PRKCQ: variants seen among roughly 807,000 people sequenced by gnomAD.
PRKCQ encodes the protein protein kinase C theta type.
A neutral mutation model predicts 91.2 loss-of-function variants in PRKCQ; 41 were observed. The observed-to-expected ratio is 0.45, with a 90% CI of 0.35 to 0.58. The LOEUF (loss-of-function observed/expected upper bound fraction) is 0.58. PRKCQ is among the 20% of genes least tolerant of loss of function. PRKCQ has a pLI of 0.00. For missense variants in PRKCQ, 673 were observed against 896.5 expected, an observed-to-expected ratio of 0.75 and a Z score of 3.18; for synonymous variants, 307 against 316.9, an observed-to-expected ratio of 0.97 and a Z score of 0.33.
At chr10:6,451,266 A>G (rs1834660180) in intron 15 of PRKCQ, among the ~76,000 whole-genome samples, 1 of 151,368 alleles carries the variant, frequency 6.6e-6, no homozygotes, top group Non-Finnish European at 1.5e-5. Flanking sequence ...TCCCACAGAA[A>G]TACAAACTAC....
rs892747810 is a variant in PRKCQ at position 6,497,971 on chromosome 10, C to T, written c.542+425G>A. On this transcript the variant is annotated intron_variant, in intron 5 of 17. Coordinates refer to ENST00000263125, the MANE Select transcript of PRKCQ (RefSeq NM_006257.5). This position sits in a 1 kb window ranked among gnomAD's most constrained non-coding sequence, Gnocchi z 4.5. ...GATCTGTTTGATGGCTATTAAGATA[C>T]CCAAGAGCCTCATAAGCATTTAAAC... is the stretch of plus-strand genomic sequence containing the variant. Among the ~76,000 whole-genome samples, 2 of 152,172 alleles carry T rather than the reference C, an allele frequency of 1.3e-5. No individual in the cohort carries two copies. Among genetic ancestry groups the T allele is most frequent in the African/African-American group, 2.4e-5 (1 of 41,438 alleles).
At chr10:6,395,054 G>GTTTTTTTTTTTTTTTTTTTTTTTT in the PRKCQ span, among the ~76,000 whole-genome samples, 3 of 129,952 alleles carry the variant, frequency 2.3e-5, 1 homozygote, top group Non-Finnish European at 4.9e-5. Flanking sequence ...GGAAGCTGGA[G>GTTTTTTTTTTTTTTTTTTTTTTTT]TCTTTTTTTT....
chr10:6,395,499 T>C, the PRKCQ span, among the ~76,000 whole-genome samples: 1 of 152,072 alleles, frequency 6.6e-6, no homozygotes, highest in African/African-American at 2.4e-5. Context: ...ATCTGCAAAA[T>C]ATCTCAAGCC....
chr10:6,461,701 C>T (rs973466252), intron 14 of PRKCQ, among the ~76,000 whole-genome samples: 5 of 152,224 alleles, frequency 3.3e-5, no homozygotes, highest in African/African-American at 9.7e-5. Flanking sequence ...GCTCAGCCAT[C>T]CTCCTCACTA....
At chr10:6,564,254 G>A (rs1054407519) in intron 1 of PRKCQ, among the ~76,000 whole-genome samples, 12 of 152,132 alleles carry the variant, frequency 7.9e-5, no homozygotes, top group East Asian at 1.9e-4. Flanking sequence ...CATCTTCAGC[G>A]GTGTGAAGAG....
chr10:6,564,475 GA>G (rs1428182254), intron 1 of PRKCQ, among the ~76,000 whole-genome samples: 2 of 152,010 alleles, frequency 1.3e-5, no homozygotes, highest in Non-Finnish European at 2.9e-5. Context: ...CCTGGCCCGT[GA>G]CCTGTTTTTC....
At chr10:6,551,158 C>T (rs1217760115) in intron 1 of PRKCQ, among the ~76,000 whole-genome samples, 1 of 152,088 alleles carries the variant, frequency 6.6e-6, no homozygotes, top group Non-Finnish European at 1.5e-5. Flanking sequence ...TACTGTCACC[C>T]TCCACCCTCT....
intron 7 of PRKCQ, among the ~76,000 whole-genome samples, chr10:6,493,574 T>C (rs1274861640): frequency 6.6e-6 from 1 of 152,234 alleles, no homozygotes; most frequent in African/African-American, 2.4e-5. Flanking sequence ...CATTTATTTA[T>C]GTAGCTGACA....
intron 11 of PRKCQ, among the ~76,000 whole-genome samples, chr10:6,480,284 G>T (rs1836523768): frequency 6.6e-6 from 1 of 152,102 alleles, no homozygotes. Flanking sequence ...CACTCTGCAA[G>T]ACAGAAGTTA....
In PRKCQ at chr10:6,445,069, A is replaced by G. The variant is rs949261628; in HGVS notation, c.1648-2988T>C. Among the ~76,000 whole-genome samples, 85 of 133,656 alleles carry G rather than the reference A, an allele frequency of 6.4e-4. 1 individual carries two copies. The highest frequency in any genetic ancestry group is 1.0e-3 in the Non-Finnish European group (67 of 65,362). 87.7% of individuals were successfully genotyped at this position (133,656 alleles called of 152,430 possible). On this transcript the variant is annotated intron_variant, in intron 15 of 17. Coordinates refer to ENST00000263125, the MANE Select transcript of PRKCQ (RefSeq NM_006257.5). ...AACCCGGGAGGTGGAGGCTGTAGTG[A>G]GCCAAGATCGCGCCTCTGCACTCCA...
At chr10:6,395,198 G>C in the PRKCQ span, among the ~76,000 whole-genome samples, 1 of 151,744 alleles carries the variant, frequency 6.6e-6, no homozygotes, top group Non-Finnish European at 1.5e-5. Context: ...CGAGTAGCTG[G>C]GACTACAGGT....
intron 1 of PRKCQ, among the ~76,000 whole-genome samples, chr10:6,548,241 T>A (rs1840041746): frequency 2.0e-5 from 3 of 150,846 alleles, no homozygotes; most frequent in Non-Finnish European, 3.0e-5. Flanking sequence ...CAACAGGTGC[T>A]GGAGAGGATG....
chr10:6,395,943 C>T, the PRKCQ span, among the ~76,000 whole-genome samples: 3 of 152,234 alleles, frequency 2.0e-5, no homozygotes, highest in African/African-American at 4.8e-5. Flanking sequence ...ACCATTGTAG[C>T]GTTCCCTCAG....
chr10:6,564,073 T>C (rs957471096), intron 1 of PRKCQ, among the ~76,000 whole-genome samples: 6 of 152,018 alleles, frequency 3.9e-5, no homozygotes, highest in Non-Finnish European at 7.4e-5. Context: ...AGCTACGAGG[T>C]GCTCAAGGAC....
the PRKCQ span, among the ~76,000 whole-genome samples, chr10:6,408,645 G>A: frequency 6.6e-6 from 1 of 152,342 alleles, no homozygotes; most frequent in African/African-American, 2.4e-5. Context: ...GTGAGCCACT[G>A]CGCCTAGCCT....
At chr10:6,413,413 C>G in the PRKCQ span, among the ~76,000 whole-genome samples, 199 of 151,988 alleles carry the variant, frequency 1.3e-3, no homozygotes, top group African/African-American at 4.7e-3. Context: ...ACAACCTATT[C>G]TTCAACATGA....
chr10:6,445,864 C>T (rs557036283), intron 15 of PRKCQ, among the ~76,000 whole-genome samples: 2 of 152,338 alleles, frequency 1.3e-5, no homozygotes, highest in Non-Finnish European at 2.9e-5. Flanking sequence ...CCGAGACTTG[C>T]CCACAAGGCG....
chr10:6,442,215 TC>T, intron 15 of PRKCQ, 134 bp from the exon 16 acceptor site: 1 of 863,382 alleles, frequency 1.2e-6, no homozygotes, highest in Non-Finnish European at 1.7e-6. Flanking sequence ...CTGAAACCCA[TC>T]TCTTGGGAAG....
chr10:6,522,503 G>A (rs186423181), intron 1 of PRKCQ, among the ~76,000 whole-genome samples: 5 of 152,280 alleles, frequency 3.3e-5, no homozygotes, highest in African/African-American at 1.2e-4. Flanking sequence ...TTATAGAGAT[G>A]CTGAGGATGT....
Sources: allele counts gnomAD v4.1 joint callset (sites outside exome capture counted in the v4.1 genomes callset), GRCh38; gene constraint gnomAD v4.1.1; non-coding constraint Gnocchi (gnomAD v3.1); transcripts MANE v1.5; gene names NCBI Gene and HGNC (gene_info 2026-07-23, HGNC 2026-07-21).